The following EYA4 variants were observed in gnomAD, a reference collection of about 807,000 sequenced individuals.
The protein encoded by EYA4 is protein phosphatase EYA4.
EYA4 carries 31 observed loss-of-function variants against 87.9 expected under a neutral mutation model. The observed-to-expected ratio is 0.35, with a 90% confidence interval of 0.27 to 0.48. EYA4 has a LOEUF of 0.48. EYA4 is among the 20% of genes least tolerant of loss of function. The pLI, the probability that EYA4 is intolerant of heterozygous loss-of-function variation, is 0.99. For missense variants in EYA4, 678 were observed against 761.4 expected, an observed-to-expected ratio of 0.89 and a Z score of 1.29; for synonymous variants, 263 against 270.6, an observed-to-expected ratio of 0.97 and a Z score of 0.28.
chr6:133,311,144 C>T (rs1378422762), intron 2 of EYA4, among the ~76,000 whole-genome samples: 3 of 152,062 alleles, frequency 2.0e-5, no homozygotes, highest in Non-Finnish European at 4.4e-5. Flanking sequence ...CAGTCTGTTC[C>T]AAGCCTGTTC....
At chr6:133,257,087 A>G (rs1471546764) in intron 1 of EYA4, among the ~76,000 whole-genome samples, 3 of 152,174 alleles carry the variant, frequency 2.0e-5, no homozygotes, top group Admixed American at 6.5e-5. Flanking sequence ...TAACTTAAGT[A>G]CTGTATGTGT....
intron 2 of EYA4, among the ~76,000 whole-genome samples, chr6:133,369,889 A>G (rs1229195790): frequency 6.6e-6 from 1 of 151,806 alleles, no homozygotes; most frequent in Non-Finnish European, 1.5e-5. Context: ...AAGCACCTCC[A>G]GATAATGCCC....
intron 2 of EYA4, among the ~76,000 whole-genome samples, chr6:133,348,207 T>C (rs1783344435): frequency 6.6e-6 from 1 of 150,886 alleles, no homozygotes; most frequent in Non-Finnish European, 1.5e-5. Flanking sequence ...CAGACCCATG[T>C]GGTGGGCACT....
intron 2 of EYA4, among the ~76,000 whole-genome samples, chr6:133,295,657 A>C (rs1398099984): frequency 6.6e-6 from 1 of 152,218 alleles, no homozygotes; most frequent in Non-Finnish European, 1.5e-5. Context: ...TAAAGACAGG[A>C]CAATAAAATC....
At chr6:133,474,996 A>G (rs1795601519) in intron 11 of EYA4, among the ~76,000 whole-genome samples, 3 of 152,158 alleles carry the variant, frequency 2.0e-5, no homozygotes, top group African/African-American at 7.2e-5. Flanking sequence ...TAAATATCCA[A>G]AACTTAAAAG....
At chr6:133,438,343 T>C (rs1347487218) in intron 3 of EYA4, among the ~76,000 whole-genome samples, 1 of 150,944 alleles carries the variant, frequency 6.6e-6, no homozygotes, top group Non-Finnish European at 1.5e-5. Context: ...GTTTCTTCTC[T>C]GCTCCGTTCT....
intron 3 of EYA4, among the ~76,000 whole-genome samples, chr6:133,437,047 T>C (rs1441251191): frequency 1.3e-5 from 2 of 152,228 alleles, no homozygotes; most frequent in Non-Finnish European, 2.9e-5. Flanking sequence ...TGCATGTCTT[T>C]ACATTTTTCT....
chr6:133,453,261 A>C (rs1260361177), intron 5 of EYA4, among the ~76,000 whole-genome samples: 1 of 152,068 alleles, frequency 6.6e-6, no homozygotes, highest in Non-Finnish European at 1.5e-5. Flanking sequence ...TGCCACTAGA[A>C]AAGTATATAG....
chr6:133,396,868 T>C (rs1787849944), intron 3 of EYA4, among the ~76,000 whole-genome samples: 1 of 152,154 alleles, frequency 6.6e-6, no homozygotes, highest in South Asian at 2.1e-4. Context: ...TTCTTCCAGA[T>C]CTCAGTAGCA....
chr6:133,370,373 CAG>C (rs1785173727), intron 2 of EYA4, among the ~76,000 whole-genome samples: 1 of 152,120 alleles, frequency 6.6e-6, no homozygotes, highest in South Asian at 2.1e-4. Flanking sequence ...AGTTCTATCT[CAG>C]AGAAAAATAT....
chr6:133,284,071 C>T (rs1005627862), intron 2 of EYA4, among the ~76,000 whole-genome samples: 2 of 152,176 alleles, frequency 1.3e-5, no homozygotes, highest in African/African-American at 4.8e-5. Flanking sequence ...GATTTTCAGA[C>T]CCTTCGGTCA....
chr6:133,332,851 C>G (rs1178330043), intron 2 of EYA4, among the ~76,000 whole-genome samples: 2 of 151,840 alleles, frequency 1.3e-5, no homozygotes, highest in African/African-American at 4.8e-5. Flanking sequence ...CATGAACCAC[C>G]GCGCCCAGCC....
intron 1 of EYA4, among the ~76,000 whole-genome samples, chr6:133,270,896 T>C (rs1466025164): frequency 6.6e-6 from 1 of 152,176 alleles, no homozygotes; most frequent in Admixed American, 6.5e-5. Context: ...TCTTAGCCTG[T>C]TGACTTAAAG....
intron 3 of EYA4, among the ~76,000 whole-genome samples, chr6:133,394,823 G>A (rs922464989): frequency 2.0e-5 from 3 of 152,334 alleles, no homozygotes; most frequent in Middle Eastern, 3.4e-3. Context: ...ATAAATGTAA[G>A]AATGCAAAAT....
chr6:133,495,652 C>T (rs1797592900), intron 13 of EYA4, among the ~76,000 whole-genome samples: 1 of 152,018 alleles, frequency 6.6e-6, no homozygotes, highest in Non-Finnish European at 1.5e-5. Flanking sequence ...CACAAGTTGA[C>T]CACTTAGGAG....
At chr6:133,456,463 C>A in intron 5 of EYA4, 93 bp from the exon 6 acceptor site, 2 of 896,104 alleles carry the variant, frequency 2.2e-6, no homozygotes, top group Non-Finnish European at 3.8e-6. Context: ...CTCTTGCATG[C>A]CCATGGTAGC....
At chr6:133,268,060 C>G (rs996115379) in intron 1 of EYA4, among the ~76,000 whole-genome samples, 1 of 152,066 alleles carries the variant, frequency 6.6e-6, no homozygotes, top group African/African-American at 2.4e-5. Context: ...AAAACATGTA[C>G]TTATTGCTCA....
chr6:133,385,248 G>A (rs1236101281), intron 3 of EYA4, among the ~76,000 whole-genome samples: 2 of 147,294 alleles, frequency 1.4e-5, no homozygotes, highest in South Asian at 2.1e-4. Context: ...GCAGTGAGCC[G>A]AGATTGTGCC....
chr6:133,353,797 A>T (rs1583038258), intron 2 of EYA4, among the ~76,000 whole-genome samples: 1 of 152,268 alleles, frequency 6.6e-6, no homozygotes, highest in East Asian at 1.9e-4. Flanking sequence ...TATTTTAGTG[A>T]TCTACTTATC....
Sources: allele counts gnomAD v4.1 joint callset (sites outside exome capture counted in the v4.1 genomes callset), GRCh38; gene constraint gnomAD v4.1.1; transcripts MANE v1.5; gene names NCBI Gene and HGNC (gene_info 2026-07-23, HGNC 2026-07-21).